The following STX1B variants were observed in gnomAD, a reference collection of about 807,000 sequenced individuals.
STX1B encodes the protein syntaxin 1B, also known as syntaxin-1B.
In STX1B, 7 loss-of-function variants were observed where a neutral mutation model predicts 39.4. The ratio of observed to expected loss-of-function variants is 0.18; its 90% CI spans 0.10 to 0.33. The LOEUF (loss-of-function observed/expected upper bound fraction) is 0.33, where lower values mean the gene tolerates loss of function less well. STX1B is among the 10% of genes least tolerant of loss of function. The probability of loss-of-function intolerance (pLI) is 1.00; values close to 1 mark genes in which losing one functional copy is unlikely to be tolerated. For missense variants in STX1B, 198 were observed against 383.2 expected (o/e 0.52, Z 4.04); for synonymous variants, 136 against 144.1 (o/e 0.94, Z 0.40).
At chr16:30,994,892 C>CTTTCTTT (rs2056583551) in intron 7 of STX1B, among the ~76,000 whole-genome samples, 1 of 99,810 alleles carries the variant, frequency 1.0e-5, no homozygotes, top group Non-Finnish European at 2.0e-5. Flanking sequence ...GTCTCCCCGT[C>CTTTCTTT]TTTTTTTTTT....
chr16:30,992,460 T>G lies in STX1B; in HGVS notation c.*361A>C. The G allele has an allele frequency of 4.3e-6, 1 of 233,074 alleles. No individual in the cohort carries two copies. The highest frequency in any genetic ancestry group is 8.5e-6 in the Non-Finnish European group (1 of 117,492). 14.4% of individuals were successfully genotyped at this position (233,074 alleles called of 1,614,324 possible). On this transcript the variant is annotated 3_prime_UTR_variant, in exon 10 of 10. Coordinates refer to ENST00000215095, the MANE Select transcript of STX1B (RefSeq NM_052874.5). ...GCTGCAGTCTACACAACAGCCCCGG[T>G]GAAGGGGGAAGCTCAGACCACGCAC...
At chr16:30,999,912 GCTTT>G (rs900201458) in intron 4 of STX1B, among the ~76,000 whole-genome samples, 2 of 152,034 alleles carry the variant, frequency 1.3e-5, no homozygotes, top group Non-Finnish European at 2.9e-5. Context: ...GGGGTTTTGT[GCTTT>G]CTGACTGTTT....
chr16:31,000,332 G>GTTT (rs55729102), intron 4 of STX1B, among the ~76,000 whole-genome samples: 4 of 123,386 alleles, frequency 3.2e-5, no homozygotes, highest in Non-Finnish European at 5.2e-5. Flanking sequence ...TTTGTTTTTT[G>GTTT]TTTTTTTTTT....
At chr16:31,008,648 G>A (rs565535997) in intron 1 of STX1B, among the ~76,000 whole-genome samples, 11 of 152,212 alleles carry the variant, frequency 7.2e-5, no homozygotes, top group African/African-American at 2.2e-4. Flanking sequence ...GAGCCTCCCC[G>A]TCCACTTGCC....
intron 7 of STX1B, among the ~76,000 whole-genome samples, chr16:30,995,598 C>T (rs1452171278): frequency 1.3e-5 from 2 of 151,928 alleles, no homozygotes; most frequent in Non-Finnish European, 2.9e-5. Context: ...TTCAAGTGAT[C>T]CTCCTGCCTC....
intron 6 of STX1B, 96 bp downstream of exon 6, chr16:30,996,855 C>T (rs923038520): frequency 1.1e-5 from 17 of 1,574,242 alleles, no homozygotes; most frequent in African/African-American, 4.1e-5. Context: ...TCCCACGCCG[C>T]CTTAAGCCAG....
rs368752095 is a variant in STX1B, at chr16:30,996,968, T to C, written c.446A>G (p.Gln149Arg). The change falls in exon 6 of 10, where the codon CAG becomes CGG. Residue 149 changes from glutamine (Q) to arginine (R), a missense_variant. Gln to Arg is a conservative substitution (Grantham distance 43). Transcript: ENST00000215095. ...KYRDRCKDRIQRQLEITGRTT... is the reference protein window; with the variant it reads ...KYRDRCKDRIRRQLEITGRTT... ...ACACGCACTGATCTCCAGTTGCCGC[T>C]GGATCCGGTCCTTGCAGCGGTCCCG... 6.2e-6 allele frequency: 10 copies of C among 1,612,878 alleles called. No individual in the cohort carries two copies. The highest frequency in any genetic ancestry group is 8.5e-6 in the Non-Finnish European group (10 of 1,179,856).
chr16:31,005,220 A>T (rs1341132014), intron 1 of STX1B, among the ~76,000 whole-genome samples: 1 of 152,156 alleles, frequency 6.6e-6, no homozygotes, highest in Non-Finnish European at 1.5e-5. Flanking sequence ...CATATTTAGT[A>T]ATGAGTACAG....
chr16:31,007,211 G>C (rs1596722541), intron 1 of STX1B, among the ~76,000 whole-genome samples: 2 of 152,134 alleles, frequency 1.3e-5, no homozygotes, highest in African/African-American at 2.4e-5. Flanking sequence ...TGTGATTTCA[G>C]GGCTGCGTTT....
chr16:31,002,451 C>T (rs914821824), intron 1 of STX1B, among the ~76,000 whole-genome samples: 2 of 152,214 alleles, frequency 1.3e-5, no homozygotes, highest in African/African-American at 2.4e-5. Flanking sequence ...GACACCCACA[C>T]GGAGATGCAC....
At chr16:30,995,002 C>T (rs1161532077) in intron 7 of STX1B, among the ~76,000 whole-genome samples, 1 of 148,742 alleles carries the variant, frequency 6.7e-6, no homozygotes, top group African/African-American at 2.5e-5. Context: ...GCCTTGACCT[C>T]CTGTACTCAG....
intron 1 of STX1B, among the ~76,000 whole-genome samples, chr16:31,002,715 A>G (rs2056636937): frequency 6.6e-6 from 1 of 152,172 alleles, no homozygotes; most frequent in Non-Finnish European, 1.5e-5. Flanking sequence ...ATCTGAGTCC[A>G]TCAAGCTTAA....
rs1303416541 is a variant in STX1B at position 31,001,702 on chromosome 16, G to C, written c.31-99C>G. The C allele has an allele frequency of 3.3e-6, 3 of 921,084 alleles. No homozygotes were observed. Among genetic ancestry groups the C allele is most frequent in the African/African-American group, 3.3e-5 (2 of 60,838 alleles). The allele number at this position is 921,084 out of a possible 1,614,324, so 57.1% of individuals were successfully genotyped here. ...CCCTCTCCCTGCTATGCACACACAGGTGCTCCCAGCTCTAGGCTCAGAGGA... is the reference window on the plus strand; with the variant it reads ...CCCTCTCCCTGCTATGCACACACAGCTGCTCCCAGCTCTAGGCTCAGAGGA... On this transcript the variant is annotated intron_variant, in intron 1 of 9. Transcript: ENST00000215095. The surrounding 1 kb of genome is among the most constrained non-coding windows in gnomAD (Gnocchi z 5.5).
At position 30,998,149 on chromosome 16, in the gene STX1B, C is replaced by T. The variant is rs368491523; in HGVS notation, c.281-574G>A. On this transcript the variant is annotated intron_variant, in intron 4 of 9. Transcript: ENST00000215095. ...AGGTGATCCCCGATCCGGGAATTCC[C>T]ACTTCTGAAGGACGTTCTGGAAAAG... Among the ~76,000 whole-genome samples the T allele has an allele frequency of 5.9e-5, 9 of 152,356 alleles. No individual in the cohort carries two copies. The East Asian group carries it at 1.5e-3, about 26-fold the overall frequency.
intron 1 of STX1B, among the ~76,000 whole-genome samples, chr16:31,004,671 G>A (rs529377451): frequency 5.1e-4 from 65 of 128,084 alleles, no homozygotes; most frequent in African/African-American, 1.7e-3. Context: ...GCAAGACCCC[G>A]TTTCTTAAAA....
chr16:30,997,418 C>T (rs1157898033), intron 5 of STX1B, 84 bp downstream of exon 5: 2 of 1,077,506 alleles, frequency 1.9e-6, no homozygotes, highest in African/African-American at 3.2e-5. Context: ...CCCGCCGGTG[C>T]TTGGCCCTGG....
intron 4 of STX1B, among the ~76,000 whole-genome samples, chr16:30,997,804 G>A (rs190346667): frequency 3.3e-5 from 5 of 152,342 alleles, no homozygotes; most frequent in African/African-American, 1.2e-4. Context: ...GGGATACTGA[G>A]GGTCAGAGGG....
In STX1B at chr16:30,996,766, G is replaced by A. The variant is rs1455162041; in HGVS notation, c.464-10C>T. 1 of 1,613,952 alleles carries A rather than the reference G, an allele frequency of 6.2e-7. No individual in the cohort carries two copies. The highest frequency in any genetic ancestry group is 1.7e-4 in the Middle Eastern group (1 of 6,052). On this transcript the variant is annotated splice_polypyrimidine_tract_variant and intron_variant, in intron 6 of 9. Coordinates refer to ENST00000215095, the MANE Select transcript of STX1B (RefSeq NM_052874.5). ...GTGGTGGTCCTTCCAGCTGCGGGAA[G>A]AAAGGACTCCCTGCTCGGGGGCTGG...
intron 4 of STX1B, 82 bp from the exon 5 acceptor site, chr16:30,997,657 C>T (rs968476423): frequency 2.3e-6 from 3 of 1,329,164 alleles, no homozygotes; most frequent in Non-Finnish European, 2.1e-6. Context: ...TGGTCAACAC[C>T]CCGCGGCAGC....
Sources: gnomAD v4.1 joint callset for allele counts (sites outside exome capture counted in the v4.1 genomes callset) on GRCh38, gnomAD v4.1.1 for gene constraint, Gnocchi (gnomAD v3.1) non-coding constraint, MANE v1.5 for transcripts, NCBI Gene and HGNC (gene_info 2026-07-23, HGNC 2026-07-21) for gene names.